The following SVOPL variants were observed in gnomAD, a reference collection of about 807,000 sequenced individuals.
SVOPL encodes putative transporter SVOPL.
A neutral mutation model predicts 61.0 loss-of-function variants in SVOPL; 60 were observed. That is an observed-to-expected ratio of 0.98 (90% CI 0.80 to 1.22). The LOEUF is 1.22. Ranked by LOEUF, SVOPL falls within the 50% of genes most tolerant of loss-of-function variation. The pLI is 0.00. For missense variants in SVOPL, 662 were observed against 643.9 expected (o/e 1.03, Z -0.30); for synonymous variants, 279 against 250.0 (o/e 1.12, Z -1.09).
In SVOPL at chr7:138,628,294, G is replaced by A. The variant is rs887123960; in HGVS notation, c.933C>T (p.Val311=). Reference sequence around the variant, plus strand: ...CCGCAGAGTCTGACTTTGAACCACAGACCAAGTCCCGCTCCAGCAGCTCAG... The same window carrying A: ...CCGCAGAGTCTGACTTTGAACCACAAACCAAGTCCCGCTCCAGCAGCTCAG... The part of the protein sequence containing the change: ...ASAELLERDL[V]CGSKSDSAVV... Residue 311 remains valine (V), a synonymous_variant, in exon 11 of 16, where the codon GTC becomes GTT. Transcript: ENST00000674285. 2.5e-6 allele frequency: 4 copies of A among 1,614,012 alleles called. No homozygotes were observed. The African/African-American group carries it at 5.3e-5, about 22-fold the overall frequency.
At chr7:138,698,122 A>G (rs1803112350) in intron 1 of SVOPL, among the ~76,000 whole-genome samples, 1 of 150,762 alleles carries the variant, frequency 6.6e-6, no homozygotes, top group Admixed American at 6.7e-5. Flanking sequence ...GGAAGAGTAG[A>G]GGTGGGAATG....
intron 9 of SVOPL, among the ~76,000 whole-genome samples, chr7:138,643,692 G>A (rs1023025534): frequency 1.3e-5 from 2 of 151,006 alleles, no homozygotes; most frequent in Non-Finnish European, 2.9e-5. Flanking sequence ...TACGTGTGAG[G>A]GATCTAGAAT....
intron 8 of SVOPL, chr7:138,646,216 T>C: frequency 5.7e-6 from 1 of 175,968 alleles, no homozygotes; most frequent in Non-Finnish European, 1.2e-5. Context: ...TTGACAAGAA[T>C]CTGGCCCATA....
intron 5 of SVOPL, chr7:138,661,869 GTC>G (rs146629172): frequency 2.0e-6 from 2 of 984,996 alleles, no homozygotes; most frequent in Admixed American, 6.2e-5. Context: ...TATTAATTTC[GTC>G]TCTGTTTCTT....
chr7:138,610,748 G>A (rs189658914), intron 14 of SVOPL, among the ~76,000 whole-genome samples: 2 of 152,290 alleles, frequency 1.3e-5, no homozygotes, highest in East Asian at 3.9e-4. Context: ...ACCCTTATGA[G>A]GCTCCAGCCA....
At chr7:138,623,901 C>G (rs767616837) in intron 13 of SVOPL, among the ~76,000 whole-genome samples, 25 of 152,060 alleles carry the variant, frequency 1.6e-4, no homozygotes, top group South Asian at 2.1e-4. Flanking sequence ...CTCACCGCAA[C>G]CTTTGCCCCC....
rs763591012 is a variant in SVOPL at position 138,663,119 on chromosome 7, G to C, written c.300C>G (p.Phe100Leu). The C allele has an allele frequency of 2.5e-6, 4 of 1,614,082 alleles. No homozygotes were observed. The highest frequency in any genetic ancestry group is 3.4e-6 in the Non-Finnish European group (4 of 1,180,022). ...TTMVFFGYMV[F>L]SILFGLLADR... ...CAGCCAGGAGGCCAAAGAGGATACTGAAAACCATGTAGCCAAAAAACACCA... is the reference window on the plus strand; with the variant it reads ...CAGCCAGGAGGCCAAAGAGGATACTCAAAACCATGTAGCCAAAAAACACCA... The change falls in exon 5 of 16, where the codon TTC (phenylalanine) becomes TTG (leucine). Residue 100 changes from phenylalanine (F) to leucine (L), a missense_variant. Transcript: ENST00000674285.
chr7:138,599,674 G>C (rs991298532), intron 14 of SVOPL, among the ~76,000 whole-genome samples: 1 of 152,104 alleles, frequency 6.6e-6, no homozygotes, highest in Admixed American at 6.6e-5. Flanking sequence ...GATCACCTGA[G>C]GTCAGGAGTT....
chr7:138,677,265 A>G (rs755960554), intron 3 of SVOPL, among the ~76,000 whole-genome samples: 37 of 152,204 alleles, frequency 2.4e-4, no homozygotes, highest in Non-Finnish European at 4.6e-4. Flanking sequence ...TGAGGTCAGT[A>G]GAAAAAAGAC....
At chr7:138,663,166 A>G in intron 4 of SVOPL, 21 bp from the exon 5 acceptor site, 1 of 1,610,476 alleles carries the variant, frequency 6.2e-7, no homozygotes, top group African/African-American at 1.3e-5. Flanking sequence ...GAGCGAGATA[A>G]AACGGTTCTC....
At chr7:138,652,470 G>C (rs1337520464) in intron 7 of SVOPL, among the ~76,000 whole-genome samples, 1 of 152,056 alleles carries the variant, frequency 6.6e-6, no homozygotes, top group Non-Finnish European at 1.5e-5. Flanking sequence ...ACAGGCATAA[G>C]CTGCCACACC....
intron 14 of SVOPL, among the ~76,000 whole-genome samples, chr7:138,599,963 T>C (rs1447474883): frequency 6.6e-6 from 1 of 152,122 alleles, no homozygotes; most frequent in Non-Finnish European, 1.5e-5. Flanking sequence ...CTTTCATTTT[T>C]ATAAATATTT....
At chr7:138,664,217 A>C (rs1478637784) in intron 4 of SVOPL, 2 of 980,114 alleles carry the variant, frequency 2.0e-6, no homozygotes, top group African/African-American at 1.8e-5. Flanking sequence ...TACCTGGAAG[A>C]CGTCCTGCCT....
At position 138,605,188 on chromosome 7, in the gene SVOPL, AT is replaced by A. The variant is rs1270685485; in HGVS notation, c.1354-8659del. Among the ~76,000 whole-genome samples, 3 of 142,130 alleles carry A rather than the reference AT, an allele frequency of 2.1e-5. No individual in the cohort carries two copies. In the East Asian group the frequency reaches 7.2e-4, roughly 34 times the overall value. The allele number at this position is 142,130 out of a possible 152,430, so 93.2% of individuals were successfully genotyped here. A position where few individuals can be genotyped will look rare whatever the true frequency, so the allele number is the denominator to read the frequency against. ...TCAATAAAAATGTTTCCTGACATTT[AT>A]TTAAAAAAAAAAAAAAAAAGGATAA... On this transcript the variant is annotated intron_variant, in intron 14 of 15. Transcript: ENST00000674285.
intron 1 of SVOPL, among the ~76,000 whole-genome samples, chr7:138,688,714 C>T (rs1029741358): frequency 2.6e-5 from 4 of 152,026 alleles, no homozygotes; most frequent in Non-Finnish European, 4.4e-5. Context: ...TCATGTAGCC[C>T]CTGTAGAAAA....
At chr7:138,663,000 GA>G (rs1802065092) in intron 5 of SVOPL, 73 bp downstream of exon 5, 1 of 1,604,948 alleles carries the variant, frequency 6.2e-7, no homozygotes. Context: ...CTACTAAAGA[GA>G]AACAGTGATA....
intron 6 of SVOPL, among the ~76,000 whole-genome samples, chr7:138,659,304 C>T (rs1051079703): frequency 6.6e-6 from 1 of 152,014 alleles, no homozygotes; most frequent in African/African-American, 2.4e-5. Flanking sequence ...CTAGCCTGGC[C>T]AACATGGCGA....
chr7:138,621,822 GTATCTATGTATC>G (rs1563095368), intron 13 of SVOPL, among the ~76,000 whole-genome samples: 23 of 13,420 alleles, frequency 1.7e-3, no homozygotes, highest in Non-Finnish European at 1.5e-3. Flanking sequence ...ATGTATCTAT[GTATCTATGTATC>G]TATCTATCTA....
At chr7:138,662,096 T>C (rs1042397519) in intron 5 of SVOPL, 1 of 985,476 alleles carries the variant, frequency 1.0e-6, no homozygotes, top group Middle Eastern at 5.2e-4. Context: ...GGCTTCTTTA[T>C]AAACTCTCTC....
Sources: gnomAD v4.1 joint callset for allele counts (sites outside exome capture counted in the v4.1 genomes callset) on GRCh38, gnomAD v4.1.1 for gene constraint, MANE v1.5 for transcripts, NCBI Gene and HGNC (gene_info 2026-07-23, HGNC 2026-07-21) for gene names.